GRM1: variants seen among roughly 807,000 people sequenced by gnomAD.
The protein encoded by GRM1 is glutamate metabotropic receptor 1, also known as metabotropic glutamate receptor 1.
A neutral mutation model predicts 90.9 loss-of-function variants in GRM1; 33 were observed. That is an observed-to-expected ratio of 0.36 (90% CI 0.28 to 0.49). The LOEUF (loss-of-function observed/expected upper bound fraction) is 0.49, where lower values mean the gene tolerates loss of function less well. Ranked by LOEUF, GRM1 falls within the 20% of genes least tolerant of loss-of-function variation. GRM1 has a pLI of 0.99. For synonymous variants in GRM1, 700 were observed against 613.2 expected, an observed-to-expected ratio of 1.14 and a Z score of -2.09; for missense variants, 1,190 against 1,534.3, an observed-to-expected ratio of 0.78 and a Z score of 3.75.
chr6:146,303,761 A>G (rs1356449771), intron 2 of GRM1, among the ~76,000 whole-genome samples: 5 of 152,102 alleles, frequency 3.3e-5, no homozygotes, highest in Admixed American at 3.3e-4. Flanking sequence ...AGTTGGGTTC[A>G]GTGTCTCTCA....
At chr6:146,121,701 G>C (rs981152905) in intron 1 of GRM1, among the ~76,000 whole-genome samples, 3 of 152,206 alleles carry the variant, frequency 2.0e-5, no homozygotes, top group Non-Finnish European at 1.5e-5. Context: ...GTACCCAGTA[G>C]TCATTCAGGA....
At chr6:146,356,620 G>GT (rs1785594335) in intron 4 of GRM1, among the ~76,000 whole-genome samples, 1 of 152,158 alleles carries the variant, frequency 6.6e-6, no homozygotes, top group South Asian at 2.1e-4. Flanking sequence ...ATATAAAGCA[G>GT]TTTTTTACAT....
intron 2 of GRM1, among the ~76,000 whole-genome samples, chr6:146,224,478 CT>C (rs1398192095): frequency 6.6e-6 from 1 of 152,018 alleles, no homozygotes. Context: ...CATAAGGCAA[CT>C]TTATTTTTCA....
chr6:146,042,640 G>A (rs1369229140), intron 1 of GRM1, among the ~76,000 whole-genome samples: 2 of 152,016 alleles, frequency 1.3e-5, no homozygotes, highest in Non-Finnish European at 2.9e-5. Flanking sequence ...GAAATGGAAA[G>A]AGAGAAGAAA....
At chr6:146,114,855 A>G (rs1020349722) in intron 1 of GRM1, among the ~76,000 whole-genome samples, 1 of 152,140 alleles carries the variant, frequency 6.6e-6, no homozygotes, top group Non-Finnish European at 1.5e-5. Context: ...TTTAAGGATC[A>G]AAAATACACA....
chr6:146,410,097 A>G (rs1777507396), intron 7 of GRM1, among the ~76,000 whole-genome samples: 1 of 152,234 alleles, frequency 6.6e-6, no homozygotes, highest in Non-Finnish European at 1.5e-5. Context: ...GAAAAAATAT[A>G]GACTTATGTA....
chr6:146,357,650 G>A lies in GRM1; in HGVS notation c.1558G>A (p.Val520Met), dbSNP rs1354423447. 6.2e-7 allele frequency: 1 copy of A among 1,613,964 alleles called. No individual in the cohort carries two copies. Among genetic ancestry groups the A allele is most frequent in the Non-Finnish European group, 8.5e-7 (1 of 1,179,954 alleles). ...AATCCAGATGAACAAGAGTGGAGTGGTGCGGTCTGTGTGCAGTGAGCCTTG... is the reference window on the plus strand; with the variant it reads ...AATCCAGATGAACAAGAGTGGAGTGATGCGGTCTGTGTGCAGTGAGCCTTG... Reference protein sequence around the residue: ...YKIQMNKSGVVRSVCSEPCLK... With the variant: ...YKIQMNKSGVMRSVCSEPCLK... The change falls in exon 5 of 8, where the codon GTG becomes ATG. Residue 520 changes from valine to methionine, a missense_variant. By Grantham distance (21) the Val-to-Met change is conservative. Transcript: ENST00000282753.
chr6:146,030,235 G>A lies in GRM1; in HGVS notation c.700+18G>A, dbSNP rs371280809. 27 of 1,539,934 alleles carry A rather than the reference G, an allele frequency of 1.8e-5. No individual in the cohort carries two copies. The African/African-American group carries it at 2.6e-4, about 15-fold the overall frequency. ...CACGGAAGGTAGGCATTATATTTGG[G>A]AAAGAAGGGTACTGAGAAAGTCAGG... On this transcript the variant is annotated intron_variant, in intron 1 of 7. Coordinates refer to ENST00000282753, the MANE Select transcript of GRM1 (RefSeq NM_001278064.2).
intron 2 of GRM1, among the ~76,000 whole-genome samples, chr6:146,169,108 A>G (rs1417052354): frequency 6.6e-6 from 1 of 152,028 alleles, no homozygotes; most frequent in Admixed American, 6.6e-5. Flanking sequence ...AATTTTATCT[A>G]TTTATTTATT....
At chr6:146,303,277 C>T (rs893943449) in intron 2 of GRM1, among the ~76,000 whole-genome samples, 4 of 152,138 alleles carry the variant, frequency 2.6e-5, no homozygotes, top group African/African-American at 7.2e-5. Flanking sequence ...GCAGAGACTG[C>T]ATCTTTATAT....
At chr6:146,258,352 G>A (rs1478446445) in intron 2 of GRM1, among the ~76,000 whole-genome samples, 1 of 152,076 alleles carries the variant, frequency 6.6e-6, no homozygotes, top group Non-Finnish European at 1.5e-5. Context: ...AAATGCAAAG[G>A]TAGGCAGCCT....
intron 3 of GRM1, among the ~76,000 whole-genome samples, chr6:146,348,888 C>A (rs186026688): frequency 2.2e-4 from 33 of 152,280 alleles, no homozygotes; most frequent in Admixed American, 1.6e-3. Context: ...CTAAGTGTGA[C>A]AGGAAGAACA....
intron 4 of GRM1, 152 bp from the exon 5 acceptor site, chr6:146,357,374 G>A (rs1785625548): frequency 1.5e-6 from 1 of 671,468 alleles, no homozygotes; most frequent in Non-Finnish European, 2.7e-6. Flanking sequence ...GATAATCAGA[G>A]GAAACATAAG....
At chr6:146,268,887 A>G (rs1782012399) in intron 2 of GRM1, among the ~76,000 whole-genome samples, 1 of 152,218 alleles carries the variant, frequency 6.6e-6, no homozygotes, top group Non-Finnish European at 1.5e-5. Context: ...TATTGTAGCC[A>G]AAGCATAAAA....
intron 3 of GRM1, among the ~76,000 whole-genome samples, chr6:146,316,964 A>G (rs2114958925): frequency 6.6e-6 from 1 of 152,300 alleles, no homozygotes; most frequent in South Asian, 2.1e-4. Flanking sequence ...CTTTTTAACT[A>G]GTTTATCAGG....
chr6:146,397,533 A>G lies in GRM1; in HGVS notation c.1730-1236A>G, dbSNP rs1583440759. ...ACAAAAGCTAAACAAATTGCTTACTATAGTAAGGGATAGTTATGCTAGGCA... is the reference window on the plus strand; with the variant it reads ...ACAAAAGCTAAACAAATTGCTTACTGTAGTAAGGGATAGTTATGCTAGGCA... On this transcript the variant is annotated intron_variant, in intron 6 of 7. Coordinates refer to ENST00000282753, the MANE Select transcript of GRM1 (RefSeq NM_001278064.2). 2.0e-5 allele frequency among the ~76,000 whole-genome samples: 3 copies of G among 151,172 alleles called. No individual in the cohort carries two copies. The East Asian group carries it at 5.8e-4, about 29-fold the overall frequency.
Position 146,399,827 on chromosome 6 carries a change from C to T in GRM1, c.2660+128C>T, listed in dbSNP as rs1777094809. ...TTTTCTGAGTTGTCTCTTCCATTTC[C>T]CCCATGTCTTTCTCTTCCTTTCTTA... On this transcript the variant is annotated intron_variant, in intron 7 of 7. Transcript: ENST00000282753. This position sits in a 1 kb window ranked among gnomAD's most constrained non-coding sequence, Gnocchi z 5.4. 5.7e-6 allele frequency: 4 copies of T among 695,732 alleles called. No homozygotes were observed. The Admixed American group carries it at 6.7e-5, about 12-fold the overall frequency. 43.1% of individuals were successfully genotyped at this position (695,732 alleles called of 1,614,324 possible).
At chr6:146,391,042 A>T (rs1463666408) in intron 6 of GRM1, among the ~76,000 whole-genome samples, 1 of 152,148 alleles carries the variant, frequency 6.6e-6, no homozygotes, top group Non-Finnish European at 1.5e-5. Flanking sequence ...ATGAAGGTTT[A>T]TATGATCATG....
At chr6:146,432,338 T>C (rs1778443693) in intron 7 of GRM1, among the ~76,000 whole-genome samples, 1 of 152,206 alleles carries the variant, frequency 6.6e-6, no homozygotes, top group African/African-American at 2.4e-5. Context: ...ATATCAGACA[T>C]TTACACTCAT....
Sources: allele counts gnomAD v4.1 joint callset (sites outside exome capture counted in the v4.1 genomes callset), GRCh38; gene constraint gnomAD v4.1.1; non-coding constraint Gnocchi (gnomAD v3.1); transcripts MANE v1.5; gene names NCBI Gene and HGNC (gene_info 2026-07-23, HGNC 2026-07-21).